C17orf113: variants seen among roughly 807,000 people sequenced by gnomAD.
C17orf113 encodes the protein chromosome 17 open reading frame 113.
Under a neutral mutation model 11.6 loss-of-function variants are expected in C17orf113, and 5 were observed. The ratio of observed to expected loss-of-function variants is 0.43; its 90% CI spans 0.23 to 0.91. C17orf113 has a LOEUF of 0.91. Ranked by LOEUF, C17orf113 falls within the 40% of genes least tolerant of loss-of-function variation. The pLI, the probability that C17orf113 is intolerant of heterozygous loss-of-function variation, is 0.26. For missense variants in C17orf113, 714 were observed against 841.3 expected (o/e 0.85, Z 1.87); for synonymous variants, 327 against 390.6 (o/e 0.84, Z 1.92).
At position 42,043,006 on chromosome 17, in the gene C17orf113, A is replaced by G. The variant is rs1010794734; in HGVS notation, c.371T>C (p.Leu124Ser). ...TPASRGVKVE[L>S]DPAKVAVLTT... Reference sequence around the variant, plus strand: ...CAGCACAGCCACTTTGGCCGGGTCTAACTCCACCTTGACGCCCCTGGAGGC... The same window carrying G: ...CAGCACAGCCACTTTGGCCGGGTCTGACTCCACCTTGACGCCCCTGGAGGC... The change falls in exon 2 of 3, where the codon TTA becomes TCA. Residue 124 changes from leucine (L) to serine (S), a missense_variant. Physicochemically the swap from Leu to Ser is moderately radical, Grantham distance 145. Around this residue, in one of 3 missense-constraint regions of C17orf113, gnomAD observed 516 missense variants for 626.6 expected, o/e 0.82. Transcript: ENST00000587304. 8.1e-7 allele frequency: 1 copy of G among 1,232,368 alleles called. No individual in the cohort carries two copies. 76.3% of individuals were successfully genotyped at this position (1,232,368 alleles called of 1,614,324 possible).
chr17:42,042,812 C>G, intron 2 of C17orf113, 22 bp downstream of exon 2: 1 of 1,232,048 alleles, frequency 8.1e-7, no homozygotes, highest in Non-Finnish European at 1.0e-6. Flanking sequence ...GCCCTTCCCC[C>G]ATACTTCTGG....
chr17:42,039,113 T>C lies in C17orf113; in HGVS notation c.*592A>G, dbSNP rs2052938640. 6.6e-6 allele frequency: 1 copy of C among 152,110 alleles called. No homozygotes were observed. The highest frequency in any genetic ancestry group is 2.4e-5 in the African/African-American group (1 of 41,382). The allele number at this position is 152,110 out of a possible 1,614,324, so 9.4% of individuals were successfully genotyped here. A position where few individuals can be genotyped will look rare whatever the true frequency, so the allele number is the denominator to read the frequency against. On this transcript the variant is annotated 3_prime_UTR_variant, in exon 3 of 3. Coordinates refer to ENST00000587304, the MANE Select transcript of C17orf113 (RefSeq NM_001358661.2). Reference sequence around the variant, plus strand: ...TAAAAATACATAAGTTAGCCAGGCATGGTGGCAGGCGCCTGTAATCCCAGC... The same window carrying C: ...TAAAAATACATAAGTTAGCCAGGCACGGTGGCAGGCGCCTGTAATCCCAGC...
intron 1 of C17orf113, among the ~76,000 whole-genome samples, chr17:42,047,986 A>C (rs2053203604): frequency 6.6e-6 from 1 of 151,964 alleles, no homozygotes; most frequent in Admixed American, 6.6e-5. Context: ...GGTGATGCTC[A>C]CCACACCCTC....
At position 42,050,404 on chromosome 17, in the gene C17orf113, G is replaced by A. The variant is rs1446964146; in HGVS notation, c.-188+153C>T. 3.9e-5 allele frequency among the ~76,000 whole-genome samples: 6 copies of A among 152,088 alleles called. No individual in the cohort carries two copies. The highest frequency in any genetic ancestry group is 1.4e-4 in the African/African-American group (6 of 41,416). ...CGCATCCTCCCGGGGGCTGGGACGG[G>A]GAGGGCTGAGGAACTTCCTCTGGGG... On this transcript the variant is annotated intron_variant, in intron 1 of 2. Transcript: ENST00000587304. This position sits in a 1 kb window ranked among gnomAD's most constrained non-coding sequence, Gnocchi z 5.6.
Position 42,039,863 on chromosome 17 carries a change from G to C in C17orf113, c.1870C>G (p.Arg624Gly), listed in dbSNP as rs540557902. 1.3e-4 allele frequency: 163 copies of C among 1,230,584 alleles called. 1 individual carries two copies. The South Asian group carries it at 5.8e-3, about 44-fold the overall frequency. The allele number at this position is 1,230,584 out of a possible 1,614,324, so 76.2% of individuals were successfully genotyped here. ...LDKVGRSREL[R>G]WWGQSGAGEG... is the part of the protein sequence containing the mutation. ...CCGGCCCCACTCTGCCCCCACCACC[G>C]CAGCTCCCGGCTGCGGCCGACCTTG... Residue 624 changes from arginine (R) to glycine (G), a missense_variant, in exon 3 of 3, where the codon CGG (arginine) becomes GGG (glycine). By Grantham distance (125) the Arg-to-Gly change is moderately radical (BLOSUM62 -2). Coordinates refer to ENST00000587304, the MANE Select transcript of C17orf113 (RefSeq NM_001358661.2).
At chr17:42,045,003 T>C (rs9903458) in intron 1 of C17orf113, among the ~76,000 whole-genome samples, 108,005 of 150,910 alleles carry the variant, frequency 0.72, 41,503 homozygotes, top group South Asian at 0.85. Flanking sequence ...CTGCAAGCTC[T>C]GCCTCCCGGG....
chr17:42,039,509 T>G lies in C17orf113; in HGVS notation c.*196A>C. 5.3e-6 allele frequency: 2 copies of G among 379,534 alleles called. No homozygotes were observed. The highest frequency in any genetic ancestry group is 4.2e-5 in the East Asian group (1 of 24,056). 23.5% of individuals were successfully genotyped at this position (379,534 alleles called of 1,614,324 possible). A position where few individuals can be genotyped will look rare whatever the true frequency, so the allele number is the denominator to read the frequency against. Reference sequence around the variant, plus strand: ...CTCTGCCCACCCGCCCAGGCCCCTCTTGAGCCAGTCCCTTCCTCCACAGCC... The same window carrying G: ...CTCTGCCCACCCGCCCAGGCCCCTCGTGAGCCAGTCCCTTCCTCCACAGCC... On this transcript the variant is annotated 3_prime_UTR_variant, in exon 3 of 3. Coordinates refer to ENST00000587304, the MANE Select transcript of C17orf113 (RefSeq NM_001358661.2).
At position 42,042,877 on chromosome 17, in the gene C17orf113, T is replaced by A; in HGVS notation, c.500A>T (p.Glu167Val). 1 of 1,232,292 alleles carries A rather than the reference T, an allele frequency of 8.1e-7. No individual in the cohort carries two copies. The highest frequency in any genetic ancestry group is 1.0e-6 in the Non-Finnish European group (1 of 988,074). The allele number at this position is 1,232,292 out of a possible 1,614,324, so 76.3% of individuals were successfully genotyped here. ...CCTGGGACTGTAGTAATCGCCATGCTCTGTGCCCAGCAGTGCCTGGCACAG... is the reference window on the plus strand; with the variant it reads ...CCTGGGACTGTAGTAATCGCCATGCACTGTGCCCAGCAGTGCCTGGCACAG... ...FNLCQALLGT[E>V]HGDYYSPRRV... Residue 167 changes from glutamate to valine, a missense_variant, in exon 2 of 3, where the codon GAG (glutamate) becomes GTG (valine). Transcript: ENST00000587304.
intron 1 of C17orf113, among the ~76,000 whole-genome samples, chr17:42,044,512 A>G (rs2053107098): frequency 6.6e-6 from 1 of 151,324 alleles, no homozygotes; most frequent in Non-Finnish European, 1.5e-5. Flanking sequence ...GCTACTCGGG[A>G]GGCTGAGGCA....
At position 42,039,617 on chromosome 17, in the gene C17orf113, C is replaced by T. The variant is rs1475100698; in HGVS notation, c.*88G>A. The T allele has an allele frequency of 1.2e-4, 144 of 1,158,032 alleles. No individual in the cohort carries two copies. Among genetic ancestry groups the T allele is most frequent in the Non-Finnish European group, 1.5e-4 (139 of 921,124 alleles). The allele number at this position is 1,158,032 out of a possible 1,614,324, so 71.7% of individuals were successfully genotyped here. ...CCCTGGGAGGCTGCAGTCAGCAGATCATCTTGGGTGCAGCATGGTCAAGTC... is the reference window on the plus strand; with the variant it reads ...CCCTGGGAGGCTGCAGTCAGCAGATTATCTTGGGTGCAGCATGGTCAAGTC... On this transcript the variant is annotated 3_prime_UTR_variant, in exon 3 of 3. Transcript: ENST00000587304.
Position 42,040,611 on chromosome 17 carries a change from G to C in C17orf113, c.1122C>G (p.Thr374=). The change falls in exon 3 of 3, where the codon ACC becomes ACG. Residue 374 remains threonine, a synonymous_variant. Coordinates refer to ENST00000587304, the MANE Select transcript of C17orf113 (RefSeq NM_001358661.2). ...GTGAGGCAAGGGCTGCAGCCTCCAG[G>C]GTGGGCACCAGGCCAGGCCAGGCCT... is the stretch of plus-strand genomic sequence containing the variant. ...VAEAWPGLVP[T]LEAAALASPV... 1 of 1,232,356 alleles carries C rather than the reference G, an allele frequency of 8.1e-7. No homozygotes were observed. Among genetic ancestry groups the C allele is most frequent in the African/African-American group, 1.5e-5 (1 of 64,562 alleles). 76.3% of individuals were successfully genotyped at this position (1,232,356 alleles called of 1,614,324 possible).
At position 42,040,337 on chromosome 17, in the gene C17orf113, T is replaced by G; in HGVS notation, c.1396A>C (p.Ser466Arg). 1 of 1,231,796 alleles carries G rather than the reference T, an allele frequency of 8.1e-7. No homozygotes were observed. The highest frequency in any genetic ancestry group is 1.0e-6 in the Non-Finnish European group (1 of 987,892). The allele number at this position is 1,231,796 out of a possible 1,614,324, so 76.3% of individuals were successfully genotyped here. A position where few individuals can be genotyped will look rare whatever the true frequency, so the allele number is the denominator to read the frequency against. ...ELASMDPDAS[S>R]GRCTYRGVEL... ...ACGCCGCGGTAGGTGCAGCGTCCGC[T>G]GCTGGCGTCAGGGTCCATGGATGCC... The change falls in exon 3 of 3, where the codon AGC becomes CGC. Residue 466 changes from serine (S) to arginine (R), a missense_variant. By Grantham distance (110) the Ser-to-Arg change is moderately radical. This residue lies in a region of C17orf113 where 516 missense variants were observed against 626.6 expected (regional missense o/e 0.82). Coordinates refer to ENST00000587304, the MANE Select transcript of C17orf113 (RefSeq NM_001358661.2).
chr17:42,044,736 T>A (rs1375989573), intron 1 of C17orf113, among the ~76,000 whole-genome samples: 3 of 152,000 alleles, frequency 2.0e-5, no homozygotes, highest in Non-Finnish European at 4.4e-5. Context: ...ACACTCACAC[T>A]CATACCCATT....
At position 42,039,703 on chromosome 17, in the gene C17orf113, C is replaced by T; in HGVS notation, c.*2G>A. 1 of 1,232,528 alleles carries T rather than the reference C, an allele frequency of 8.1e-7. No homozygotes were observed. The highest frequency in any genetic ancestry group is 1.5e-5 in the African/African-American group (1 of 64,556). 76.3% of individuals were successfully genotyped at this position (1,232,528 alleles called of 1,614,324 possible). A position where few individuals can be genotyped will look rare whatever the true frequency, so the allele number is the denominator to read the frequency against. On this transcript the variant is annotated 3_prime_UTR_variant, in exon 3 of 3. Coordinates refer to ENST00000587304, the MANE Select transcript of C17orf113 (RefSeq NM_001358661.2). Reference sequence around the variant, plus strand: ...GGATGGGCCGAGGGAAGGAGGCCACCCTCAGGTGAGCTGCGACCCCAGGAA... The same window carrying T: ...GGATGGGCCGAGGGAAGGAGGCCACTCTCAGGTGAGCTGCGACCCCAGGAA...
chr17:42,040,891 A>G lies in C17orf113; in HGVS notation c.842T>C (p.Val281Ala). ...GCAAGTGGCCCGGAGCTGTGGGCCCACACTCCCCAGGCGCTCACTGGGGAG... is the reference window on the plus strand; with the variant it reads ...GCAAGTGGCCCGGAGCTGTGGGCCCGCACTCCCCAGGCGCTCACTGGGGAG... ...SSLPSERLGS[V>A]GPQLRATCPL... The change falls in exon 3 of 3, where the codon GTG (valine) becomes GCG (alanine). Residue 281 changes from valine to alanine, a missense_variant. Physicochemically the swap from Val to Ala is moderately conservative, Grantham distance 64. This residue lies in a region of C17orf113 where 516 missense variants were observed against 626.6 expected (regional missense o/e 0.82). Coordinates refer to ENST00000587304, the MANE Select transcript of C17orf113 (RefSeq NM_001358661.2). 8.1e-7 allele frequency: 1 copy of G among 1,232,180 alleles called. No individual in the cohort carries two copies. Among genetic ancestry groups the G allele is most frequent in the Non-Finnish European group, 1.0e-6 (1 of 988,002 alleles). 76.3% of individuals were successfully genotyped at this position (1,232,180 alleles called of 1,614,324 possible).
intron 1 of C17orf113, among the ~76,000 whole-genome samples, chr17:42,048,242 A>C (rs2053209856): frequency 6.6e-6 from 1 of 152,004 alleles, no homozygotes; most frequent in Non-Finnish European, 1.5e-5. Flanking sequence ...TATCCTTATA[A>C]ATATGCCATT....
Position 42,038,243 on chromosome 17 carries a change from G to T in C17orf113, c.*1462C>A. ...CCATGGAGACTGCATGATGTGCTGG[G>T]ATTCCATTTTATTGCAAATTAAACT... On this transcript the variant is annotated 3_prime_UTR_variant, in exon 3 of 3. Coordinates refer to ENST00000587304, the MANE Select transcript of C17orf113 (RefSeq NM_001358661.2). 1 of 559,052 alleles carries T rather than the reference G, an allele frequency of 1.8e-6. No homozygotes were observed. The highest frequency in any genetic ancestry group is 3.3e-5 in the East Asian group (1 of 30,590). The allele number at this position is 559,052 out of a possible 1,614,324, so 34.6% of individuals were successfully genotyped here.
rs782616874 is a variant in C17orf113, at chr17:42,043,155, G to A, written c.222C>T (p.His74=). Residue 74 remains histidine, a synonymous_variant, in exon 2 of 3, where the codon CAC becomes CAT. Transcript: ENST00000587304. ...FTVGTDNFQR[H]ALLRHVTSGA... is the part of the protein sequence containing the mutation. ...CTGAGGTCACGTGGCGCAGCAGGGC[G>A]TGGCGCTGGAAGTTGTCTGTGCCCA... The A allele has an allele frequency of 1.8e-5, 22 of 1,232,108 alleles. No individual in the cohort carries two copies. Among genetic ancestry groups the A allele is most frequent in the South Asian group, 4.1e-5 (1 of 24,330 alleles). The allele number at this position is 1,232,108 out of a possible 1,614,324, so 76.3% of individuals were successfully genotyped here.
chr17:42,039,164 T>G lies in C17orf113; in HGVS notation c.*541A>C, dbSNP rs1483875255. ...TACTCAGGAGGCTGAGGCAGGAGAA[T>G]TGCTTGAACCCAGGAGGCAGAGGTT... On this transcript the variant is annotated 3_prime_UTR_variant, in exon 3 of 3. Coordinates refer to ENST00000587304, the MANE Select transcript of C17orf113 (RefSeq NM_001358661.2). 1 of 151,934 alleles carries G rather than the reference T, an allele frequency of 6.6e-6. No individual in the cohort carries two copies. The highest frequency in any genetic ancestry group is 6.6e-5 in the Admixed American group (1 of 15,252). 9.4% of individuals were successfully genotyped at this position (151,934 alleles called of 1,614,324 possible).
Sources: gnomAD v4.1 joint callset for allele counts (sites outside exome capture counted in the v4.1 genomes callset) on GRCh38, gnomAD v4.1.1 for gene constraint, gnomAD v4.1.1 regional missense constraint, Gnocchi (gnomAD v3.1) non-coding constraint, MANE v1.5 for transcripts, NCBI Gene and HGNC (gene_info 2026-07-23, HGNC 2026-07-21) for gene names.